The following CNNM2 variants were observed in gnomAD, a reference collection of about 807,000 sequenced individuals.
The protein encoded by CNNM2 is cyclin and CBS domain divalent metal cation transport mediator 2.
CNNM2 carries 12 observed loss-of-function variants against 66.9 expected under a neutral mutation model. The observed-to-expected ratio is 0.18, with a 90% CI of 0.11 to 0.29. CNNM2 has a LOEUF of 0.29. Ranked by LOEUF, CNNM2 falls within the 10% of genes least tolerant of loss-of-function variation. CNNM2 has a pLI of 1.00. For missense variants in CNNM2, 705 were observed against 1,167.7 expected (o/e 0.60, Z 5.77); for synonymous variants, 557 against 501.8 (o/e 1.11, Z -1.47).
Position 103,054,417 on chromosome 10 carries a change from T to C in CNNM2, c.1854T>C (p.Val618=). The change falls in exon 3 of 8, where the codon GTT becomes GTC. Residue 618 remains valine, a synonymous_variant. Coordinates refer to ENST00000369878, the MANE Select transcript of CNNM2 (RefSeq NM_017649.5). This position sits in a 1 kb window ranked among gnomAD's most constrained non-coding sequence, Gnocchi z 5.2. ...AGCAGACAGACAGTGAGATGAAGGT[T>C]AAAATATCACCACAGCTCCTCCTGG... ...AFKQTDSEMK[V]KISPQLLLAM... is the part of the protein sequence containing the mutation. 6.2e-7 allele frequency: 1 copy of C among 1,613,836 alleles called. No homozygotes were observed. The highest frequency in any genetic ancestry group is 8.5e-7 in the Non-Finnish European group (1 of 1,179,840).
intron 1 of CNNM2, among the ~76,000 whole-genome samples, chr10:102,976,132 A>G (rs538113036): frequency 6.6e-6 from 1 of 152,308 alleles, no homozygotes; most frequent in African/African-American, 2.4e-5. Flanking sequence ...AGCTGAGAAG[A>G]TCTGAAAGCA....
chr10:102,989,252 C>G (rs940805625), intron 1 of CNNM2, among the ~76,000 whole-genome samples: 4 of 152,126 alleles, frequency 2.6e-5, no homozygotes, highest in Admixed American at 1.3e-4. Context: ...TTCAGCCATC[C>G]GAACAGTTCC....
chr10:103,066,008 A>C (rs1002856175), intron 4 of CNNM2, among the ~76,000 whole-genome samples: 3 of 152,030 alleles, frequency 2.0e-5, no homozygotes, highest in Non-Finnish European at 4.4e-5. Context: ...TGCCGGGGCC[A>C]CTGTCCTCCC....
At chr10:102,961,836 G>A (rs1007324055) in intron 1 of CNNM2, among the ~76,000 whole-genome samples, 14 of 151,858 alleles carry the variant, frequency 9.2e-5, no homozygotes, top group Middle Eastern at 3.2e-3. Context: ...TGAGGCAGGA[G>A]GATCACATGA....
intron 1 of CNNM2, among the ~76,000 whole-genome samples, chr10:102,920,355 T>G (rs1845577546): frequency 6.6e-6 from 1 of 152,182 alleles, no homozygotes; most frequent in Non-Finnish European, 1.5e-5. Context: ...GCTGTGTAAT[T>G]TCTGTGCATG....
intron 1 of CNNM2, among the ~76,000 whole-genome samples, chr10:103,004,155 A>G (rs1479341071): frequency 8.2e-6 from 1 of 122,624 alleles, no homozygotes; most frequent in Non-Finnish European, 1.6e-5. Context: ...GGCACCTGCC[A>G]CCAAGCCTGG....
intron 1 of CNNM2, among the ~76,000 whole-genome samples, chr10:102,962,159 GCCT>G (rs2063392041): frequency 6.6e-6 from 1 of 152,086 alleles, no homozygotes; most frequent in African/African-American, 2.4e-5. Flanking sequence ...ACACACTGGG[GCCT>G]GTCCCGGGGG....
At chr10:102,947,902 A>T (rs1484849772) in intron 1 of CNNM2, among the ~76,000 whole-genome samples, 1 of 151,980 alleles carries the variant, frequency 6.6e-6, no homozygotes, top group Non-Finnish European at 1.5e-5. Flanking sequence ...TACAAAAAAA[A>T]ATTAGCCGGG....
intron 1 of CNNM2, among the ~76,000 whole-genome samples, chr10:103,021,486 C>A (rs2134286260): frequency 6.6e-6 from 1 of 152,200 alleles, no homozygotes; most frequent in Middle Eastern, 3.4e-3. Context: ...GGTGCTAAGA[C>A]AGACAATAAT....
In CNNM2 at chr10:103,090,065, A is replaced by G; in HGVS notation, c.*12885A>G. The G allele has an allele frequency of 1.9e-6, 1 of 530,130 alleles. No homozygotes were observed. Among genetic ancestry groups the G allele is most frequent in the Non-Finnish European group, 3.2e-6 (1 of 312,322 alleles). 32.8% of individuals were successfully genotyped at this position (530,130 alleles called of 1,614,324 possible). On this transcript the variant is annotated 3_prime_UTR_variant, in exon 8 of 8. Coordinates refer to ENST00000369878, the MANE Select transcript of CNNM2 (RefSeq NM_017649.5). ...GACTTATCTTCATAGAACTACTTAT[A>G]GTTGCCTGTCTTCCTCTCTCCCTGC...
At chr10:102,957,156 T>A (rs920577516) in intron 1 of CNNM2, among the ~76,000 whole-genome samples, 1 of 151,940 alleles carries the variant, frequency 6.6e-6, no homozygotes, top group Non-Finnish European at 1.5e-5. Context: ...ACCAAAAAAA[T>A]TAGCCAGGCA....
At chr10:102,922,878 A>G (rs1008273155) in intron 1 of CNNM2, among the ~76,000 whole-genome samples, 4 of 149,002 alleles carry the variant, frequency 2.7e-5, no homozygotes, top group African/African-American at 9.9e-5. Context: ...GGAGGCGGAG[A>G]TTGCAATGAG....
At chr10:103,052,734 G>A (rs937358211) in intron 2 of CNNM2, among the ~76,000 whole-genome samples, 2 of 152,096 alleles carry the variant, frequency 1.3e-5, no homozygotes, top group Non-Finnish European at 2.9e-5. Context: ...GGCTGGTCTC[G>A]AACTCCTGAC....
Position 103,024,076 on chromosome 10 carries a change from T to C in CNNM2, c.1622-25631T>C, listed in dbSNP as rs4917991. Among the ~76,000 whole-genome samples, 46,876 of 152,022 alleles carry C rather than the reference T, an allele frequency of 0.31. 7,381 individuals carry two copies. The highest frequency in any genetic ancestry group is 0.37 in the Middle Eastern group (107 of 292). On this transcript the variant is annotated intron_variant, in intron 1 of 7. Coordinates refer to ENST00000369878, the MANE Select transcript of CNNM2 (RefSeq NM_017649.5). ...TCCATATTCACATTTTCCCAATTGT[T>C]CCACAAATGTCATTTGTAGTTGGTT...
intron 1 of CNNM2, among the ~76,000 whole-genome samples, chr10:102,935,271 C>A (rs1199609474): frequency 1.3e-5 from 2 of 151,670 alleles, no homozygotes; most frequent in Non-Finnish European, 2.9e-5. Context: ...CAAGACCAGC[C>A]TAGACAATAT....
At chr10:102,937,725 T>G (rs963749298) in intron 1 of CNNM2, among the ~76,000 whole-genome samples, 1 of 152,162 alleles carries the variant, frequency 6.6e-6, no homozygotes, top group South Asian at 2.1e-4. Flanking sequence ...AACGTACATA[T>G]TCTCAGACAG....
Position 103,089,502 on chromosome 10 carries a change from A to ACAAAAC in CNNM2, c.*12329_*12334dup, listed in dbSNP as rs1482022791. ...GACCATCTGCAGAGAGTACAGATAC[A>ACAAAAC]CAAAACCAAAACAAGTATCTATGAT... On this transcript the variant is annotated 3_prime_UTR_variant, in exon 8 of 8. Coordinates refer to ENST00000369878, the MANE Select transcript of CNNM2 (RefSeq NM_017649.5). 7.8e-7 allele frequency: 1 copy of ACAAAAC among 1,286,338 alleles called. No homozygotes were observed. The highest frequency in any genetic ancestry group is 1.0e-6 in the Non-Finnish European group (1 of 970,782). The allele number at this position is 1,286,338 out of a possible 1,614,324, so 79.7% of individuals were successfully genotyped here. A position where few individuals can be genotyped will look rare whatever the true frequency, so the allele number is the denominator to read the frequency against.
intron 1 of CNNM2, among the ~76,000 whole-genome samples, chr10:102,987,773 C>G (rs1330294734): frequency 6.6e-6 from 1 of 152,112 alleles, no homozygotes; most frequent in Non-Finnish European, 1.5e-5. Context: ...ATAAAACACC[C>G]TACATCTTTG....
intron 1 of CNNM2, among the ~76,000 whole-genome samples, chr10:102,989,290 A>G (rs2063852973): frequency 6.6e-6 from 1 of 152,184 alleles, no homozygotes; most frequent in African/African-American, 2.4e-5. Context: ...TTGAGACTTA[A>G]CTAGTCAAGG....
Sources: allele counts gnomAD v4.1 joint callset (sites outside exome capture counted in the v4.1 genomes callset), GRCh38; gene constraint gnomAD v4.1.1; non-coding constraint Gnocchi (gnomAD v3.1); transcripts MANE v1.5; gene names NCBI Gene and HGNC (gene_info 2026-07-23, HGNC 2026-07-21).